The following DPP10 variants were observed in gnomAD, a reference collection of about 807,000 sequenced individuals.
DPP10 encodes the protein dipeptidyl peptidase like 10, also known as inactive dipeptidyl peptidase 10.
Under a neutral mutation model 120.9 loss-of-function variants are expected in DPP10, and 33 were observed. The ratio of observed to expected loss-of-function variants is 0.27; its 90% CI spans 0.21 to 0.37. The LOEUF is 0.37. Ranked by LOEUF, DPP10 falls within the 10% of genes least tolerant of loss-of-function variation. DPP10 has a pLI of 1.00. For synonymous variants in DPP10, 337 were observed against 326.1 expected (o/e 1.03, Z -0.36); for missense variants, 816 against 942.8 (o/e 0.87, Z 1.76).
At chr2:115,837,979 A>C (rs1575956788) in intron 24 of DPP10, among the ~76,000 whole-genome samples, 1 of 152,336 alleles carries the variant, frequency 6.6e-6, no homozygotes, top group East Asian at 1.9e-4. Context: ...GAACACCAAC[A>C]AGAAAAACTA....
intron 1 of DPP10, among the ~76,000 whole-genome samples, chr2:114,717,501 C>T (rs1254361447): frequency 3.3e-5 from 5 of 152,134 alleles, no homozygotes; most frequent in African/African-American, 1.2e-4. Context: ...TACAACATTA[C>T]TTTTAAAGCA....
chr2:115,715,999 G>A (rs1369000121), intron 7 of DPP10, among the ~76,000 whole-genome samples: 1 of 152,132 alleles, frequency 6.6e-6, no homozygotes, highest in African/African-American at 2.4e-5. Flanking sequence ...TTTATGCAAT[G>A]GCAAGTGAAT....
At position 114,455,670 on chromosome 2, in the gene DPP10, G is replaced by T. The variant is rs189759297; in HGVS notation, c.60+12832G>T. On this transcript the variant is annotated intron_variant, in intron 1 of 25. Coordinates refer to ENST00000410059, the MANE Select transcript of DPP10 (RefSeq NM_020868.6). The stretch of plus-strand genomic sequence containing the variant: ...AAGTTACTTTTTTCCATAATAAGAA[G>T]AAAATATCTTCTAGGCACCTACTCT... Among the ~76,000 whole-genome samples, 94 of 151,124 alleles carry T rather than the reference G, an allele frequency of 6.2e-4. 2 individuals carry two copies. Among genetic ancestry groups the T allele is most frequent in the African/African-American group, 2.3e-3 (93 of 41,212 alleles).
At chr2:115,724,702 T>C (rs1329751580) in intron 7 of DPP10, among the ~76,000 whole-genome samples, 5 of 152,196 alleles carry the variant, frequency 3.3e-5, no homozygotes, top group Non-Finnish European at 7.3e-5. Context: ...TGCATTGCTA[T>C]AGAGAAACAC....
intron 1 of DPP10, among the ~76,000 whole-genome samples, chr2:114,954,951 G>T (rs1698090938): frequency 6.6e-6 from 1 of 152,154 alleles, no homozygotes; most frequent in Non-Finnish European, 1.5e-5. Flanking sequence ...TAGCAAGGAG[G>T]TTGAATAAAT....
intron 1 of DPP10, among the ~76,000 whole-genome samples, chr2:115,227,870 T>C (rs1421608040): frequency 6.6e-6 from 1 of 151,834 alleles, no homozygotes; most frequent in Non-Finnish European, 1.5e-5. Flanking sequence ...ATTAATTTTG[T>C]GGGTACATAA....
At position 115,376,435 on chromosome 2, in the gene DPP10, C is replaced by CT. The variant is rs1158729773; in HGVS notation, c.271+32532dup. 4.0e-5 allele frequency among the ~76,000 whole-genome samples: 6 copies of CT among 150,660 alleles called. No homozygotes were observed. In the East Asian group the frequency reaches 7.8e-4, roughly 20 times the overall value. On this transcript the variant is annotated intron_variant, in intron 3 of 25. Coordinates refer to ENST00000410059, the MANE Select transcript of DPP10 (RefSeq NM_020868.6). ...TTGTATTACCAAGTGGAGGGATAAT[C>CT]TTTTTTTTTCCCTTTCCTTTTGTGC...
At chr2:115,668,567 G>C (rs1263962192) in intron 5 of DPP10, among the ~76,000 whole-genome samples, 1 of 152,074 alleles carries the variant, frequency 6.6e-6, no homozygotes, top group Non-Finnish European at 1.5e-5. Flanking sequence ...AATAAATTAA[G>C]ACACTGAGTT....
At chr2:114,929,140 G>A (rs1695872367) in intron 1 of DPP10, among the ~76,000 whole-genome samples, 1 of 152,112 alleles carries the variant, frequency 6.6e-6, no homozygotes, top group South Asian at 2.1e-4. Flanking sequence ...AGGGGAGGTA[G>A]GTACAAACAG....
intron 4 of DPP10, among the ~76,000 whole-genome samples, chr2:115,510,210 T>A (rs2077153365): frequency 6.7e-6 from 1 of 149,900 alleles, no homozygotes; most frequent in Admixed American, 6.6e-5. Context: ...AAGTCAAATC[T>A]ATTTTTTCTT....
chr2:115,350,274 T>G (rs1444812372), intron 3 of DPP10, among the ~76,000 whole-genome samples: 4 of 152,132 alleles, frequency 2.6e-5, no homozygotes. Flanking sequence ...ACAATTGCAT[T>G]ACTTGCATAT....
intron 21 of DPP10, among the ~76,000 whole-genome samples, chr2:115,826,614 G>T (rs1688346979): frequency 6.6e-6 from 1 of 152,148 alleles, no homozygotes; most frequent in African/African-American, 2.4e-5. Flanking sequence ...CCAGCTACTT[G>T]GAAGGATGAG....
At chr2:115,565,193 T>A (rs552820085) in intron 5 of DPP10, among the ~76,000 whole-genome samples, 5 of 152,200 alleles carry the variant, frequency 3.3e-5, no homozygotes, top group Non-Finnish European at 7.3e-5. Flanking sequence ...CATTTTTGTT[T>A]TATATGTTTT....
intron 5 of DPP10, among the ~76,000 whole-genome samples, chr2:115,624,295 T>C (rs1400464982): frequency 2.6e-5 from 4 of 152,330 alleles, no homozygotes; most frequent in Middle Eastern, 3.4e-3. Flanking sequence ...TATCCTTTTA[T>C]CTTCTTTTTC....
At chr2:115,361,719 AAGGGCTGAG>A (rs2064781205) in intron 3 of DPP10, among the ~76,000 whole-genome samples, 1 of 151,838 alleles carries the variant, frequency 6.6e-6, no homozygotes, top group South Asian at 2.1e-4. Flanking sequence ...AGGACCTGTT[AAGGGCTGAG>A]AGCCAGTTCT....
intron 10 of DPP10, among the ~76,000 whole-genome samples, chr2:115,750,966 A>G (rs536293296): frequency 6.6e-6 from 1 of 152,282 alleles, no homozygotes; most frequent in African/African-American, 2.4e-5. Context: ...GTTACCTCAT[A>G]TTGCACAAAA....
At chr2:114,667,297 C>CT (rs1245975317) in intron 1 of DPP10, among the ~76,000 whole-genome samples, 14 of 151,826 alleles carry the variant, frequency 9.2e-5, no homozygotes, top group Non-Finnish European at 1.0e-4. Flanking sequence ...TAGTCATTGC[C>CT]TTTTTTTTAA....
At chr2:115,203,513 G>T (rs2055891437) in intron 1 of DPP10, among the ~76,000 whole-genome samples, 1 of 152,082 alleles carries the variant, frequency 6.6e-6, no homozygotes, top group Non-Finnish European at 1.5e-5. Context: ...ATACTGAACT[G>T]AGCTAAATTG....
intron 1 of DPP10, among the ~76,000 whole-genome samples, chr2:115,173,398 C>T (rs1300748052): frequency 1.9e-4 from 29 of 152,070 alleles, no homozygotes; most frequent in Admixed American, 1.9e-3. Context: ...TGAAGATGTG[C>T]AGCATAACAA....
Sources: gnomAD v4.1 joint callset for allele counts (sites outside exome capture counted in the v4.1 genomes callset) on GRCh38, gnomAD v4.1.1 for gene constraint, MANE v1.5 for transcripts, NCBI Gene and HGNC (gene_info 2026-07-23, HGNC 2026-07-21) for gene names.